ADGRA2: variants seen among roughly 807,000 people sequenced by gnomAD.
The protein encoded by ADGRA2 is adhesion G protein-coupled receptor A2.
ADGRA2 carries 61 observed loss-of-function variants against 98.7 expected under a neutral mutation model. The observed-to-expected ratio is 0.62, with a 90% CI of 0.50 to 0.76. The LOEUF is 0.76. Among genes scored for constraint, ADGRA2 ranks in the 30% least tolerant of loss-of-function variants. The pLI, the probability that ADGRA2 is intolerant of heterozygous loss-of-function variation, is 0.00. For missense variants in ADGRA2, 1,712 were observed against 1,860.0 expected (o/e 0.92, Z 1.46); for synonymous variants, 858 against 831.5 (o/e 1.03, Z -0.55).
intron 1 of ADGRA2, among the ~76,000 whole-genome samples, chr8:37,801,862 A>C (rs1804516474): frequency 6.6e-6 from 1 of 152,164 alleles, no homozygotes; most frequent in African/African-American, 2.4e-5. Flanking sequence ...CACAAAAGAC[A>C]CTTTAAAAAA....
chr8:37,815,711 G>A (rs1804960666), intron 2 of ADGRA2, among the ~76,000 whole-genome samples: 1 of 152,206 alleles, frequency 6.6e-6, no homozygotes, highest in Admixed American at 6.5e-5. Context: ...GAGAGGTAGG[G>A]TAAGCCCTGG....
chr8:37,837,755 C>T lies in ADGRA2; in HGVS notation c.2075C>T (p.Thr692Ile). ...GTSGCGVGNL[T>I]EPVAVSLRHW... ...GGTGGCTGTGGCGTGGGAAACCTGACAGAGCCAGTGGCCGTTTCGCTGCGG... is the reference window on the plus strand; with the variant it reads ...GGTGGCTGTGGCGTGGGAAACCTGATAGAGCCAGTGGCCGTTTCGCTGCGG... Residue 692 changes from threonine (T) to isoleucine (I), a missense_variant, in exon 14 of 19, where the codon ACA (threonine) becomes ATA (isoleucine). Transcript: ENST00000412232. The T allele has an allele frequency of 6.4e-7, 1 of 1,553,358 alleles. No homozygotes were observed. Among genetic ancestry groups the T allele is most frequent in the African/African-American group, 1.4e-5 (1 of 73,334 alleles).
rs532157975 is a variant in ADGRA2, at chr8:37,823,629, G to A, written c.339-5259G>A. 9.3e-4 allele frequency among the ~76,000 whole-genome samples: 142 copies of A among 152,250 alleles called. 1 individual carries two copies. The highest frequency in any genetic ancestry group is 2.8e-3 in the African/African-American group (118 of 41,540). On this transcript the variant is annotated intron_variant, in intron 2 of 18. Transcript: ENST00000412232. The stretch of plus-strand genomic sequence containing the variant: ...GAATTTCTGGGTCATATGGTAACCC[G>A]AACTGTGAAACTGTTTTCCAAAGTG...
chr8:37,815,653 C>A (rs2129951563), intron 2 of ADGRA2, among the ~76,000 whole-genome samples: 1 of 152,350 alleles, frequency 6.6e-6, no homozygotes, highest in East Asian at 1.9e-4. Flanking sequence ...TGGGGGGATG[C>A]AGAAGCCCTG....
At chr8:37,835,125 C>A in intron 11 of ADGRA2, 49 bp from the exon 12 acceptor site, 1 of 1,396,354 alleles carries the variant, frequency 7.2e-7, no homozygotes, top group Non-Finnish European at 1.0e-6. Context: ...CAGTCCCAAG[C>A]AGAAGGCCAC....
Position 37,844,730 on chromosome 8 carries a change from A to G in ADGRA2, c.*2375A>G, listed in dbSNP as rs745598882. Reference sequence around the variant, plus strand: ...TCCCCTGGGGTAAACCTAAGGAATTATTTCCCACCTCCCCTTCTCCTTGCC... The same window carrying G: ...TCCCCTGGGGTAAACCTAAGGAATTGTTTCCCACCTCCCCTTCTCCTTGCC... On this transcript the variant is annotated 3_prime_UTR_variant, in exon 19 of 19. Coordinates refer to ENST00000412232, the MANE Select transcript of ADGRA2 (RefSeq NM_032777.10). 1 of 1,613,930 alleles carries G rather than the reference A, an allele frequency of 6.2e-7. No individual in the cohort carries two copies. The highest frequency in any genetic ancestry group is 2.2e-5 in the East Asian group (1 of 44,868).
chr8:37,835,792 C>A (rs757659493), intron 13 of ADGRA2, 22 bp downstream of exon 13: 10 of 1,516,822 alleles, frequency 6.6e-6, no homozygotes. Context: ...AATTCCCCGC[C>A]CCGCCCAGGG....
chr8:37,804,100 G>GACACACACACACACAC (rs60565183), intron 1 of ADGRA2, among the ~76,000 whole-genome samples: 1,779 of 107,088 alleles, frequency 0.017, 94 homozygotes, highest in East Asian at 0.038. Flanking sequence ...CCCACGGTGA[G>GACACACACACACACAC]ACACACACAC....
At chr8:37,812,153 GTGTTGTTGTTGTTGTTGTTGT>G (rs36232957) in intron 1 of ADGRA2, among the ~76,000 whole-genome samples, 1 of 142,102 alleles carries the variant, frequency 7.0e-6, no homozygotes, top group Non-Finnish European at 1.6e-5. Flanking sequence ...ACTTGCAATG[GTGTTGTTGTTGTTGTTGTTGT>G]TGTTGTTGTT....
At chr8:37,806,507 C>CTT (rs1461195291) in intron 1 of ADGRA2, among the ~76,000 whole-genome samples, 3 of 121,642 alleles carry the variant, frequency 2.5e-5, no homozygotes, top group Admixed American at 7.8e-5. Flanking sequence ...TTTTCTTTTT[C>CTT]TTTTTCTTTT....
Position 37,835,406 on chromosome 8 carries a change from C to T in ADGRA2, c.1833+8C>T, listed in dbSNP as rs774002401. The T allele has an allele frequency of 6.3e-7, 1 of 1,578,958 alleles. No individual in the cohort carries two copies. The highest frequency in any genetic ancestry group is 2.3e-5 in the East Asian group (1 of 43,814). ...TCGTCCTTCCACATCAAGGTGGGCG[C>T]TGGGGGAGGGAGAGGGGGTGGGAGA... On this transcript the variant is annotated splice_region_variant and intron_variant, in intron 12 of 18. Coordinates refer to ENST00000412232, the MANE Select transcript of ADGRA2 (RefSeq NM_032777.10).
chr8:37,798,917 A>G (rs1168890975), intron 1 of ADGRA2, among the ~76,000 whole-genome samples: 1 of 152,202 alleles, frequency 6.6e-6, no homozygotes, highest in Admixed American at 6.5e-5. Context: ...GGCTGTGGCC[A>G]GGGAAGGCAC....
chr8:37,815,637 G>A (rs13269090), intron 2 of ADGRA2, among the ~76,000 whole-genome samples: 1,915 of 152,346 alleles, frequency 0.013, 21 homozygotes, highest in South Asian at 0.039. Flanking sequence ...TGAGTTGTTA[G>A]GGAAATGGGG....
At chr8:37,805,905 T>C (rs1804645770) in intron 1 of ADGRA2, among the ~76,000 whole-genome samples, 1 of 151,840 alleles carries the variant, frequency 6.6e-6, no homozygotes, top group African/African-American at 2.4e-5. Flanking sequence ...AAACACTTTT[T>C]TTTGTTAGCT....
At chr8:37,815,260 C>T (rs900373097) in intron 2 of ADGRA2, among the ~76,000 whole-genome samples, 7 of 152,358 alleles carry the variant, frequency 4.6e-5, no homozygotes, top group Middle Eastern at 3.4e-3. Context: ...CTGTGAGGGC[C>T]GAGCTCTCGA....
chr8:37,828,980 T>G, intron 3 of ADGRA2, 21 bp downstream of exon 3: 2 of 1,513,978 alleles, frequency 1.3e-6, no homozygotes, highest in Non-Finnish European at 1.8e-6. Flanking sequence ...CGCCCTCCCC[T>G]GACCCCACCC....
At chr8:37,835,419 AG>A (rs781442729) in intron 12 of ADGRA2, 21 bp downstream of exon 12, 1 of 1,216,302 alleles carries the variant, frequency 8.2e-7, no homozygotes. Flanking sequence ...GGGGAGGGAG[AG>A]GGGGTGGGAG....
At chr8:37,810,441 G>A (rs556161211) in intron 1 of ADGRA2, among the ~76,000 whole-genome samples, 6 of 151,992 alleles carry the variant, frequency 3.9e-5, no homozygotes, top group Admixed American at 1.3e-4. Flanking sequence ...CCCAGGAGGC[G>A]GAGGTTGCAG....
rs1040507094 is a variant in ADGRA2 at position 37,806,404 on chromosome 8, G to T, written c.267-8492G>T. Among the ~76,000 whole-genome samples, 3 of 151,946 alleles carry T rather than the reference G, an allele frequency of 2.0e-5. No homozygotes were observed. In the East Asian group the frequency reaches 5.8e-4, roughly 29 times the overall value. On this transcript the variant is annotated intron_variant, in intron 1 of 18. Transcript: ENST00000412232. ...CTGTGACCCCCAAATCCCCATCAAG[G>T]TATACTGATTACCCCCAACTGTTTC...
Sources: gnomAD v4.1 joint callset for allele counts (sites outside exome capture counted in the v4.1 genomes callset) on GRCh38, gnomAD v4.1.1 for gene constraint, MANE v1.5 for transcripts, NCBI Gene and HGNC (gene_info 2026-07-23, HGNC 2026-07-21) for gene names.